Variants in SLC4A10 observed in about 807,000 individuals in gnomAD.
SLC4A10 encodes the protein sodium-driven chloride bicarbonate exchanger.
In SLC4A10, 42 loss-of-function variants were observed where a neutral mutation model predicts 137.7. That is an observed-to-expected ratio of 0.30 (90% CI 0.24 to 0.39). The LOEUF is 0.39. Among genes scored for constraint, SLC4A10 ranks in the 10% least tolerant of loss-of-function variants. SLC4A10 has a pLI of 1.00. For missense variants in SLC4A10, 925 were observed against 1,355.0 expected (o/e 0.68, Z 4.98); for synonymous variants, 474 against 464.1 (o/e 1.02, Z -0.27).
chr2:161,674,836 A>G (rs1414677304), intron 1 of SLC4A10, among the ~76,000 whole-genome samples: 1 of 152,190 alleles, frequency 6.6e-6, no homozygotes, highest in East Asian at 1.9e-4. Context: ...GCTATTAAAG[A>G]GCTTACATTC....
intron 3 of SLC4A10, among the ~76,000 whole-genome samples, chr2:161,833,664 G>A (rs1288286454): frequency 6.6e-6 from 1 of 152,130 alleles, no homozygotes; most frequent in African/African-American, 2.4e-5. Flanking sequence ...CACACCATGT[G>A]ACCCTTGAAA....
intron 1 of SLC4A10, among the ~76,000 whole-genome samples, chr2:161,728,487 A>G (rs2046466732): frequency 6.6e-6 from 1 of 151,984 alleles, no homozygotes; most frequent in South Asian, 2.1e-4. Flanking sequence ...GAGGTAGGAG[A>G]TTGCTCAAAC....
intron 1 of SLC4A10, among the ~76,000 whole-genome samples, chr2:161,719,140 G>A (rs2045318694): frequency 6.6e-6 from 1 of 151,932 alleles, no homozygotes. Context: ...ACCTATGAGT[G>A]AGAACGTGCA....
intron 1 of SLC4A10, among the ~76,000 whole-genome samples, chr2:161,668,960 C>T (rs1180743100): frequency 1.3e-5 from 2 of 151,844 alleles, no homozygotes; most frequent in African/African-American, 2.4e-5. Context: ...CTATCAAGTT[C>T]TAGCTTTTCA....
chr2:161,901,057 A>T (rs1196651942), intron 12 of SLC4A10, 46 bp downstream of exon 12: 3 of 1,348,596 alleles, frequency 2.2e-6, no homozygotes, highest in Non-Finnish European at 3.1e-6. Flanking sequence ...CAAATGACAT[A>T]CCATTCTTCT....
intron 10 of SLC4A10, among the ~76,000 whole-genome samples, chr2:161,892,105 C>A (rs2062984894): frequency 6.6e-6 from 1 of 151,942 alleles, no homozygotes; most frequent in African/African-American, 2.4e-5. Context: ...TAAAATTAAA[C>A]AAATTATGGC....
chr2:161,715,886 G>T (rs1038271290), intron 1 of SLC4A10, among the ~76,000 whole-genome samples: 1 of 151,908 alleles, frequency 6.6e-6, no homozygotes, highest in East Asian at 1.9e-4. Flanking sequence ...ATTTCTGGTT[G>T]CAGGTCTTTG....
intron 1 of SLC4A10, among the ~76,000 whole-genome samples, chr2:161,646,943 A>G (rs1017913569): frequency 6.6e-6 from 1 of 152,028 alleles, no homozygotes; most frequent in African/African-American, 2.4e-5. Context: ...GTTTTATGAG[A>G]GCATAATTTC....
At chr2:161,884,794 A>C (rs751430567) in intron 10 of SLC4A10, among the ~76,000 whole-genome samples, 2 of 152,226 alleles carry the variant, frequency 1.3e-5, no homozygotes, top group Non-Finnish European at 2.9e-5. Context: ...GAATGTTTAA[A>C]TATTTTTTAA....
rs1275752275 is a variant in SLC4A10 at position 161,984,068 on chromosome 2, T to C, written c.*916T>C. The stretch of plus-strand genomic sequence containing the variant: ...TTGTGGAATGCCACATGGTGAATCA[T>C]TGTATATGAAATTCCACTCCTGTAC... On this transcript the variant is annotated 3_prime_UTR_variant, in exon 27 of 27. Coordinates refer to ENST00000446997, the MANE Select transcript of SLC4A10 (RefSeq NM_001178015.2). The C allele has an allele frequency of 6.6e-6, 1 of 152,198 alleles. No individual in the cohort carries two copies. Among genetic ancestry groups the C allele is most frequent in the Non-Finnish European group, 1.5e-5 (1 of 68,028 alleles). The allele number at this position is 152,198 out of a possible 1,614,324, so 9.4% of individuals were successfully genotyped here.
intron 1 of SLC4A10, among the ~76,000 whole-genome samples, chr2:161,679,685 ACGTGTG>A (rs2040638967): frequency 1.4e-5 from 1 of 72,782 alleles, no homozygotes; most frequent in African/African-American, 6.6e-5. Flanking sequence ...TTGTAGGTCA[ACGTGTG>A]TGTGTGTGTG....
At chr2:161,688,884 C>A (rs2041701606) in intron 1 of SLC4A10, among the ~76,000 whole-genome samples, 1 of 152,070 alleles carries the variant, frequency 6.6e-6, no homozygotes, top group Non-Finnish European at 1.5e-5. Flanking sequence ...TATAATGGAG[C>A]TGAAAAGTTC....
At chr2:161,794,263 TC>T (rs1295713381) in intron 2 of SLC4A10, among the ~76,000 whole-genome samples, 2 of 152,210 alleles carry the variant, frequency 1.3e-5, no homozygotes, top group East Asian at 3.9e-4. Context: ...AAATTGAGGT[TC>T]AAAAAAGTAA....
intron 6 of SLC4A10, among the ~76,000 whole-genome samples, chr2:161,870,888 T>G (rs1395608033): frequency 6.6e-6 from 1 of 151,868 alleles, no homozygotes; most frequent in Non-Finnish European, 1.5e-5. Context: ...AAATATATTC[T>G]TTTACATTTT....
At chr2:161,959,301 A>G (rs978931581) in intron 21 of SLC4A10, among the ~76,000 whole-genome samples, 1 of 152,234 alleles carries the variant, frequency 6.6e-6, no homozygotes, top group Non-Finnish European at 1.5e-5. Flanking sequence ...TGAATTATTT[A>G]AGTAAGTATT....
chr2:161,901,031 A>C lies in SLC4A10; in HGVS notation c.1442+20A>C. The C allele has an allele frequency of 6.6e-7, 1 of 1,519,330 alleles. No homozygotes were observed. Among genetic ancestry groups the C allele is most frequent in the Non-Finnish European group, 9.0e-7 (1 of 1,116,580 alleles). The allele number at this position is 1,519,330 out of a possible 1,614,324, so 94.1% of individuals were successfully genotyped here. On this transcript the variant is annotated intron_variant, in intron 12 of 26. Coordinates refer to ENST00000446997, the MANE Select transcript of SLC4A10 (RefSeq NM_001178015.2). The stretch of plus-strand genomic sequence containing the variant: ...TGGAAGGTTAGTGAAAATCACTTCT[A>C]TGGGACTTCAAGGACCAAATGACAT...
intron 1 of SLC4A10, among the ~76,000 whole-genome samples, chr2:161,699,115 G>A (rs890296220): frequency 6.6e-6 from 1 of 152,160 alleles, no homozygotes; most frequent in East Asian, 1.9e-4. Context: ...CGCGTCCTGG[G>A]TTCATGCCAT....
At chr2:161,699,202 AG>A (rs2042878801) in intron 1 of SLC4A10, among the ~76,000 whole-genome samples, 1 of 151,816 alleles carries the variant, frequency 6.6e-6, no homozygotes, top group Non-Finnish European at 1.5e-5. Context: ...GTATTTTTTT[AG>A]TAGAGACGGG....
intron 3 of SLC4A10, among the ~76,000 whole-genome samples, chr2:161,812,817 G>C (rs1575085546): frequency 6.6e-6 from 1 of 152,006 alleles, no homozygotes; most frequent in Admixed American, 6.6e-5. Context: ...ATAGCACTAA[G>C]ATGAACATGC....
Sources: gnomAD v4.1 joint callset for allele counts (sites outside exome capture counted in the v4.1 genomes callset) on GRCh38, gnomAD v4.1.1 for gene constraint, MANE v1.5 for transcripts, NCBI Gene and HGNC (gene_info 2026-07-23, HGNC 2026-07-21) for gene names.